FSHR: variants seen among roughly 807,000 people sequenced by gnomAD.
FSHR encodes the protein follicle stimulating hormone receptor.
FSHR carries 46 observed loss-of-function variants against 52.1 expected under a neutral mutation model. The observed-to-expected ratio is 0.88, with a 90% CI of 0.70 to 1.13. The LOEUF is 1.13. FSHR is among the 50% of genes most tolerant of loss of function. FSHR has a pLI of 0.00. For synonymous variants in FSHR, 399 were observed against 309.6 expected (o/e 1.29, Z -3.03); for missense variants, 964 against 834.6 (o/e 1.16, Z -1.91).
At chr2:48,967,645 C>G (rs1674536818) in intron 9 of FSHR, among the ~76,000 whole-genome samples, 1 of 152,180 alleles carries the variant, frequency 6.6e-6, no homozygotes, top group African/African-American at 2.4e-5. Flanking sequence ...TGAAAAACAG[C>G]TATTTTTCTA....
At chr2:48,984,894 C>T (rs1237540144) in intron 6 of FSHR, among the ~76,000 whole-genome samples, 1 of 152,140 alleles carries the variant, frequency 6.6e-6, no homozygotes, top group Admixed American at 6.5e-5. Context: ...TATGGATTAT[C>T]TCAATCAACA....
At chr2:49,151,835 C>A (rs1673074276) in intron 1 of FSHR, among the ~76,000 whole-genome samples, 1 of 152,050 alleles carries the variant, frequency 6.6e-6, no homozygotes, top group African/African-American at 2.4e-5. Flanking sequence ...TTTAAGGAAG[C>A]AAAAATAAAG....
chr2:48,977,943 T>A (rs1675066058), intron 8 of FSHR, among the ~76,000 whole-genome samples: 1 of 152,220 alleles, frequency 6.6e-6, no homozygotes, highest in Non-Finnish European at 1.5e-5. Context: ...ATGATTTTGG[T>A]CTTTCTTTTA....
At chr2:49,137,970 C>T (rs1487554140) in intron 1 of FSHR, among the ~76,000 whole-genome samples, 1 of 151,996 alleles carries the variant, frequency 6.6e-6, no homozygotes, top group Non-Finnish European at 1.5e-5. Flanking sequence ...AAATTTAAAA[C>T]CTTTATGCTT....
At position 48,990,654 on chromosome 2, in the gene FSHR, T is replaced by A; in HGVS notation, c.375-17A>T. The A allele has an allele frequency of 6.8e-7, 1 of 1,472,678 alleles. No individual in the cohort carries two copies. The highest frequency in any genetic ancestry group is 9.5e-7 in the Non-Finnish European group (1 of 1,051,592). 91.2% of individuals were successfully genotyped at this position (1,472,678 alleles called of 1,614,324 possible). On this transcript the variant is annotated splice_polypyrimidine_tract_variant and intron_variant, in intron 4 of 9. Transcript: ENST00000406846. Reference sequence around the variant, plus strand: ...GATATTAACCTAGAGAGAAACAAAATGAGAGTGAGTGAAAATGAAACTGGC... The same window carrying A: ...GATATTAACCTAGAGAGAAACAAAAAGAGAGTGAGTGAAAATGAAACTGGC...
At chr2:49,059,137 T>G (rs961168700) in intron 2 of FSHR, among the ~76,000 whole-genome samples, 1 of 152,008 alleles carries the variant, frequency 6.6e-6, no homozygotes, top group Non-Finnish European at 1.5e-5. Flanking sequence ...CCCAGGAGTT[T>G]GAGGCTGCAG....
At chr2:49,069,882 G>A (rs1011668921) in intron 1 of FSHR, among the ~76,000 whole-genome samples, 2 of 152,110 alleles carry the variant, frequency 1.3e-5, no homozygotes, top group African/African-American at 4.8e-5. Context: ...AAACACCATG[G>A]ACTTGGATAG....
chr2:49,152,474 G>A (rs80171807), intron 1 of FSHR, among the ~76,000 whole-genome samples: 235 of 151,834 alleles, frequency 1.5e-3, no homozygotes, highest in African/African-American at 5.5e-3. Flanking sequence ...GTGTGGGGGT[G>A]GATTTTCTTT....
chr2:49,001,705 T>C (rs1666892748), intron 4 of FSHR, among the ~76,000 whole-genome samples: 2 of 152,304 alleles, frequency 1.3e-5, no homozygotes, highest in South Asian at 4.1e-4. Flanking sequence ...AAATTCCAAG[T>C]GGCAAACGTA....
At chr2:49,050,366 A>C (rs1179714563) in intron 2 of FSHR, among the ~76,000 whole-genome samples, 1 of 152,138 alleles carries the variant, frequency 6.6e-6, no homozygotes, top group South Asian at 2.1e-4. Flanking sequence ...GGTTTCCTTC[A>C]CTCTGTGACT....
chr2:49,068,257 T>A lies in FSHR; in HGVS notation c.186A>T (p.Gln62His), dbSNP rs771701919. 1 of 1,611,536 alleles carries A rather than the reference T, an allele frequency of 6.2e-7. No individual in the cohort carries two copies. The highest frequency in any genetic ancestry group is 2.2e-5 in the East Asian group (1 of 44,818). ...RFVLTKLRVIQKGAFSGFGDL... is the reference protein window; with the variant it reads ...RFVLTKLRVIHKGAFSGFGDL... ...CCCCAAATCCTGAAAATGCACCTTT[T>A]TGGATGACTCGAAGCTTGGTGAGGA... The change falls in exon 2 of 10, where the codon CAA (glutamine) becomes CAT (histidine). Residue 62 changes from glutamine (Q) to histidine (H), a missense_variant. Gln to His is a conservative substitution (Grantham distance 24). Coordinates refer to ENST00000406846, the MANE Select transcript of FSHR (RefSeq NM_000145.4).
At chr2:49,043,269 T>C (rs938057152) in intron 2 of FSHR, among the ~76,000 whole-genome samples, 5 of 148,932 alleles carry the variant, frequency 3.4e-5, no homozygotes, top group Non-Finnish European at 5.9e-5. Context: ...CTCCTATGTG[T>C]GCTTCTGACT....
chr2:49,041,529 G>C (rs761270444), intron 2 of FSHR, among the ~76,000 whole-genome samples: 4 of 152,112 alleles, frequency 2.6e-5, no homozygotes, highest in Non-Finnish European at 2.9e-5. Context: ...TTTCCAAGCT[G>C]TATGAAGAAT....
chr2:49,054,539 C>G (rs1475489593), intron 2 of FSHR, among the ~76,000 whole-genome samples: 1 of 152,182 alleles, frequency 6.6e-6, no homozygotes, highest in East Asian at 1.9e-4. Context: ...GAGATAGCCC[C>G]AGGTAGACAT....
intron 1 of FSHR, among the ~76,000 whole-genome samples, chr2:49,098,551 G>T (rs1044635228): frequency 6.6e-6 from 1 of 151,808 alleles, no homozygotes; most frequent in Admixed American, 6.6e-5. Flanking sequence ...ATTGTCTTCA[G>T]TGAAAGATAG....
At chr2:49,069,495 T>A (rs778142865) in intron 1 of FSHR, among the ~76,000 whole-genome samples, 11 of 152,156 alleles carry the variant, frequency 7.2e-5, no homozygotes, top group Non-Finnish European at 1.2e-4. Flanking sequence ...ACATGTTATA[T>A]CTTCATTTAT....
At chr2:49,127,329 GAA>G (rs56891689) in intron 1 of FSHR, among the ~76,000 whole-genome samples, 40 of 134,958 alleles carry the variant, frequency 3.0e-4, no homozygotes, top group Admixed American at 5.8e-4. Flanking sequence ...CTTTGTCTAA[GAA>G]AAAAAAAAAA....
chr2:49,110,262 CA>C (rs767660393), intron 1 of FSHR, among the ~76,000 whole-genome samples: 1 of 152,170 alleles, frequency 6.6e-6, no homozygotes, highest in Non-Finnish European at 1.5e-5. Context: ...TCTCCATCCA[CA>C]TTTTATAAGT....
intron 1 of FSHR, among the ~76,000 whole-genome samples, chr2:49,113,649 C>T (rs73928797): frequency 0.012 from 1,835 of 152,210 alleles, 38 homozygotes; most frequent in African/African-American, 0.042. Context: ...TATTTTCCCC[C>T]TAAACAATTA....
Sources: allele counts gnomAD v4.1 joint callset (sites outside exome capture counted in the v4.1 genomes callset), GRCh38; gene constraint gnomAD v4.1.1; transcripts MANE v1.5; gene names NCBI Gene and HGNC (gene_info 2026-07-23, HGNC 2026-07-21).